Variants in NAV2 observed in about 807,000 individuals in gnomAD.
NAV2 encodes neuron navigator 2.
Under a neutral mutation model 223.2 loss-of-function variants are expected in NAV2, and 54 were observed. That is an observed-to-expected ratio of 0.24 (90% CI 0.19 to 0.30). The LOEUF is 0.30. Among genes scored for constraint, NAV2 ranks in the 10% least tolerant of loss-of-function variants. NAV2 has a pLI of 1.00. For missense variants in NAV2, 2,806 were observed against 3,147.5 expected, an observed-to-expected ratio of 0.89 and a Z score of 2.60; for synonymous variants, 1,279 against 1,239.3, an observed-to-expected ratio of 1.03 and a Z score of -0.67.
intron 1 of NAV2, among the ~76,000 whole-genome samples, chr11:19,732,254 G>A (rs796136535): frequency 1.9e-4 from 27 of 142,770 alleles, no homozygotes; most frequent in South Asian, 9.1e-4. Flanking sequence ...GTGAGACTCC[G>A]TCTCAAGAAA....
intron 6 of NAV2, among the ~76,000 whole-genome samples, chr11:19,902,097 G>T (rs967656745): frequency 2.6e-5 from 4 of 152,152 alleles, no homozygotes; most frequent in Admixed American, 6.5e-5. Flanking sequence ...TCAGAGGAAG[G>T]GCGAGCACTA....
chr11:19,534,479 G>C (rs1484868449), intron 1 of NAV2, among the ~76,000 whole-genome samples: 1 of 152,234 alleles, frequency 6.6e-6, no homozygotes, highest in Non-Finnish European at 1.5e-5. Context: ...GTGTCTCATG[G>C]AAGGAGAGCA....
chr11:19,523,462 G>T (rs2043738444), intron 1 of NAV2, among the ~76,000 whole-genome samples: 1 of 152,194 alleles, frequency 6.6e-6, no homozygotes, highest in African/African-American at 2.4e-5. Context: ...TGTCATCATT[G>T]ATTTGGTGAG....
At chr11:19,819,615 C>G (rs1234774313) in intron 1 of NAV2, among the ~76,000 whole-genome samples, 3 of 152,214 alleles carry the variant, frequency 2.0e-5, no homozygotes, top group South Asian at 4.1e-4. Context: ...TGAGGGATGC[C>G]ACCAGCTGAT....
At chr11:19,960,954 A>G (rs982931877) in intron 10 of NAV2, among the ~76,000 whole-genome samples, 8 of 152,108 alleles carry the variant, frequency 5.3e-5, no homozygotes, top group Non-Finnish European at 7.4e-5. Context: ...GTCTGCAGGC[A>G]TCTTCTTTCT....
chr11:20,061,070 G>A (rs1002980682), intron 19 of NAV2, among the ~76,000 whole-genome samples: 9 of 152,136 alleles, frequency 5.9e-5, no homozygotes, highest in African/African-American at 1.9e-4. Flanking sequence ...GTCATAACTC[G>A]GTGTGGGAGT....
chr11:19,979,730 A>G (rs1311732593), intron 10 of NAV2, among the ~76,000 whole-genome samples: 1 of 152,208 alleles, frequency 6.6e-6, no homozygotes, highest in African/African-American at 2.4e-5. Context: ...GTAAGCAGCT[A>G]ATGATTAGGA....
intron 1 of NAV2, among the ~76,000 whole-genome samples, chr11:19,472,464 A>G (rs995842719): frequency 1.3e-5 from 2 of 152,214 alleles, no homozygotes; most frequent in Admixed American, 6.5e-5. Flanking sequence ...TCATGTAAAT[A>G]TAAGTCATTA....
intron 1 of NAV2, among the ~76,000 whole-genome samples, chr11:19,644,891 A>G (rs2047772111): frequency 6.6e-6 from 1 of 152,236 alleles, no homozygotes; most frequent in Non-Finnish European, 1.5e-5. Flanking sequence ...TGAATGTTGC[A>G]TCTGGTATTT....
At chr11:19,973,807 C>T (rs1007799302) in intron 10 of NAV2, among the ~76,000 whole-genome samples, 1 of 152,170 alleles carries the variant, frequency 6.6e-6, no homozygotes, top group African/African-American at 2.4e-5. Context: ...ATTATGATGC[C>T]ACACTGAGCT....
chr11:19,981,912 GA>G (rs1285011074), intron 10 of NAV2, among the ~76,000 whole-genome samples: 3 of 152,198 alleles, frequency 2.0e-5, no homozygotes, highest in Non-Finnish European at 4.4e-5. Flanking sequence ...TAAGAGGAAA[GA>G]AAACCTGTAA....
chr11:19,494,676 C>G (rs569261318), intron 1 of NAV2, among the ~76,000 whole-genome samples: 1 of 152,156 alleles, frequency 6.6e-6, no homozygotes, highest in African/African-American at 2.4e-5. Context: ...GACCCCACCC[C>G]GGGTTTCCTG....
intron 5 of NAV2, among the ~76,000 whole-genome samples, chr11:19,890,523 A>G (rs971004191): frequency 6.6e-6 from 1 of 152,252 alleles, no homozygotes; most frequent in South Asian, 2.1e-4. Flanking sequence ...GCGTTCCCCT[A>G]CACCACTTAA....
intron 1 of NAV2, among the ~76,000 whole-genome samples, chr11:19,385,284 T>C (rs76432426): frequency 8.0e-6 from 1 of 124,418 alleles, no homozygotes; most frequent in Non-Finnish European, 1.8e-5. Flanking sequence ...AATGATTTGA[T>C]GTGATAAAAT....
At chr11:19,996,310 G>A (rs1363224782) in intron 11 of NAV2, among the ~76,000 whole-genome samples, 1 of 152,160 alleles carries the variant, frequency 6.6e-6, no homozygotes. Context: ...GCATCCCCTA[G>A]GGCCTAGCAC....
intron 6 of NAV2, among the ~76,000 whole-genome samples, chr11:19,913,008 C>CT (rs2043448144): frequency 2.6e-5 from 4 of 152,172 alleles, no homozygotes; most frequent in Admixed American, 2.6e-4. Context: ...GGCAGTTTGG[C>CT]TTGTTTCTGT....
At chr11:19,901,145 A>G (rs907923773) in intron 6 of NAV2, among the ~76,000 whole-genome samples, 2 of 152,214 alleles carry the variant, frequency 1.3e-5, no homozygotes. Flanking sequence ...CTTCTAATTC[A>G]TATTTTTGAA....
chr11:19,393,318 T>A (rs1373100724), intron 1 of NAV2, among the ~76,000 whole-genome samples: 1 of 152,270 alleles, frequency 6.6e-6, no homozygotes, highest in African/African-American at 2.4e-5. Flanking sequence ...CAGGCCTATA[T>A]GCCATTGAGC....
chr11:19,776,091 TC>T (rs1351982819), intron 1 of NAV2, among the ~76,000 whole-genome samples: 1 of 148,574 alleles, frequency 6.7e-6, no homozygotes, highest in Non-Finnish European at 1.5e-5. Context: ...AATAAAGCAA[TC>T]CATGATTTCT....
Sources: allele counts gnomAD v4.1 joint callset (sites outside exome capture counted in the v4.1 genomes callset), GRCh38; gene constraint gnomAD v4.1.1; transcripts MANE v1.5; gene names NCBI Gene and HGNC (gene_info 2026-07-23, HGNC 2026-07-21).